GRIA4: variants seen among roughly 807,000 people sequenced by gnomAD.
GRIA4 encodes the protein glutamate ionotropic receptor AMPA type subunit 4, also known as glutamate receptor 4.
Under a neutral mutation model 104.0 loss-of-function variants are expected in GRIA4, and 34 were observed. The ratio of observed to expected loss-of-function variants is 0.33; its 90% CI spans 0.25 to 0.44. The LOEUF is 0.44. Among genes scored for constraint, GRIA4 ranks in the 20% least tolerant of loss-of-function variants. GRIA4 has a pLI of 1.00. For missense variants in GRIA4, 750 were observed against 1,096.5 expected (o/e 0.68, Z 4.46); for synonymous variants, 386 against 381.9 (o/e 1.01, Z -0.13).
intron 3 of GRIA4, among the ~76,000 whole-genome samples, chr11:105,643,346 A>G (rs1951426441): frequency 6.6e-6 from 1 of 152,226 alleles, no homozygotes; most frequent in Non-Finnish European, 1.5e-5. Flanking sequence ...CAAGAAAAGG[A>G]GAAGATCCTA....
chr11:105,644,862 A>G (rs1036891333), intron 3 of GRIA4, among the ~76,000 whole-genome samples: 4 of 152,172 alleles, frequency 2.6e-5, no homozygotes, highest in Admixed American at 2.6e-4. Flanking sequence ...AATCTTTAAT[A>G]TATGTGCTCC....
At chr11:105,879,453 C>A (rs1043391485) in intron 5 of GRIA4, among the ~76,000 whole-genome samples, 1 of 152,174 alleles carries the variant, frequency 6.6e-6, no homozygotes, top group Admixed American at 6.5e-5. Flanking sequence ...GGGATACGTA[C>A]ATGAACTGTC....
chr11:105,936,273 G>C (rs1200422243), intron 14 of GRIA4, among the ~76,000 whole-genome samples: 1 of 152,194 alleles, frequency 6.6e-6, no homozygotes, highest in Non-Finnish European at 1.5e-5. Flanking sequence ...TTAGTTTGTA[G>C]AAGCAAATTC....
At chr11:105,749,593 A>G (rs963647373) in intron 3 of GRIA4, among the ~76,000 whole-genome samples, 9 of 152,212 alleles carry the variant, frequency 5.9e-5, no homozygotes, top group African/African-American at 2.2e-4. Context: ...TTTGATTTGT[A>G]TGTGATATAG....
At position 105,644,477 on chromosome 11, in the gene GRIA4, G is replaced by A. The variant is rs574700161; in HGVS notation, c.247+32043G>A. Among the ~76,000 whole-genome samples the A allele has an allele frequency of 3.8e-4, 58 of 151,500 alleles. No individual in the cohort carries two copies. The East Asian group carries it at 4.5e-3, about 12-fold the overall frequency. On this transcript the variant is annotated intron_variant, in intron 3 of 16. Transcript: ENST00000282499. ...AAATTAGCCTGGTGTGGTGATAGGC[G>A]CCTGTAGTCCCAGCTATTCAGGTGG...
chr11:105,720,530 T>C (rs1937727199), intron 3 of GRIA4, among the ~76,000 whole-genome samples: 1 of 152,172 alleles, frequency 6.6e-6, no homozygotes, highest in Non-Finnish European at 1.5e-5. Context: ...ACAAAATATG[T>C]CCATAGCTAA....
At chr11:105,907,145 A>C (rs966296863) in intron 9 of GRIA4, among the ~76,000 whole-genome samples, 2 of 152,232 alleles carry the variant, frequency 1.3e-5, no homozygotes, top group Non-Finnish European at 2.9e-5. Flanking sequence ...TATTCATAGT[A>C]CTGAATCTTT....
intron 3 of GRIA4, among the ~76,000 whole-genome samples, chr11:105,678,167 A>G (rs1952600969): frequency 6.6e-6 from 1 of 152,066 alleles, no homozygotes; most frequent in African/African-American, 2.4e-5. Context: ...TATGTATTTC[A>G]TATCTGAGAG....
intron 3 of GRIA4, among the ~76,000 whole-genome samples, chr11:105,717,133 C>G (rs1954119304): frequency 6.6e-6 from 1 of 152,054 alleles, no homozygotes; most frequent in Non-Finnish European, 1.5e-5. Context: ...TTATCTTCAT[C>G]TCCATAGAAT....
intron 4 of GRIA4, among the ~76,000 whole-genome samples, chr11:105,777,975 C>T (rs1009403029): frequency 1.3e-5 from 2 of 152,238 alleles, no homozygotes; most frequent in South Asian, 4.1e-4. Context: ...CCTACTTCTT[C>T]ATTCTTCTAC....
chr11:105,967,703 C>CA (rs5794444), intron 14 of GRIA4, among the ~76,000 whole-genome samples: 79,626 of 145,940 alleles, frequency 0.55, 21,664 homozygotes, highest in South Asian at 0.6. Context: ...GTTTGTATAC[C>CA]AAAAAAAAAA....
At chr11:105,851,160 T>C (rs895532526) in intron 4 of GRIA4, among the ~76,000 whole-genome samples, 3 of 152,156 alleles carry the variant, frequency 2.0e-5, no homozygotes, top group African/African-American at 7.2e-5. Context: ...TACTATTACC[T>C]TTATTATTAT....
intron 3 of GRIA4, among the ~76,000 whole-genome samples, chr11:105,739,281 G>T (rs935493155): frequency 2.0e-5 from 3 of 152,128 alleles, no homozygotes; most frequent in African/African-American, 7.2e-5. Context: ...AAACAAGCCT[G>T]TATATTTTTA....
At chr11:105,733,640 T>C (rs545200997) in intron 3 of GRIA4, among the ~76,000 whole-genome samples, 1 of 152,068 alleles carries the variant, frequency 6.6e-6, no homozygotes, top group South Asian at 2.1e-4. Flanking sequence ...GTATTTTTAG[T>C]AGAGACGGGG....
chr11:105,946,804 G>T (rs944188948), intron 14 of GRIA4, among the ~76,000 whole-genome samples: 1 of 151,954 alleles, frequency 6.6e-6, no homozygotes, highest in Admixed American at 6.6e-5. Flanking sequence ...GGACACTTGG[G>T]ACTCAAGAAG....
intron 3 of GRIA4, among the ~76,000 whole-genome samples, chr11:105,616,117 T>C (rs1950593138): frequency 6.6e-6 from 1 of 151,676 alleles, no homozygotes; most frequent in African/African-American, 2.4e-5. Flanking sequence ...AATAATAGAA[T>C]TTTATAGACT....
chr11:105,916,085 G>A (rs1358499062), intron 10 of GRIA4, among the ~76,000 whole-genome samples: 1 of 152,104 alleles, frequency 6.6e-6, no homozygotes, highest in East Asian at 1.9e-4. Context: ...TTGGGAGGCT[G>A]AGGCAGGAGA....
chr11:105,690,117 A>C (rs1953032314), intron 3 of GRIA4, among the ~76,000 whole-genome samples: 1 of 151,782 alleles, frequency 6.6e-6, no homozygotes, highest in African/African-American at 2.4e-5. Flanking sequence ...TTTTTTCTTC[A>C]ACGTCATAGA....
rs1407350955 is a variant in GRIA4 at position 105,735,319 on chromosome 11, T to G, written c.248-17662T>G. 5.9e-5 allele frequency among the ~76,000 whole-genome samples: 9 copies of G among 152,238 alleles called. No homozygotes were observed. The South Asian group carries it at 1.4e-3, about 25-fold the overall frequency. On this transcript the variant is annotated intron_variant, in intron 3 of 16. Transcript: ENST00000282499. ...TAAGTGAACAAACAACTCGCTTGTCTTAATCAGCAAAAGAGAAAGGATAAT... is the reference window on the plus strand; with the variant it reads ...TAAGTGAACAAACAACTCGCTTGTCGTAATCAGCAAAAGAGAAAGGATAAT...
Sources: gnomAD v4.1 joint callset for allele counts (sites outside exome capture counted in the v4.1 genomes callset) on GRCh38, gnomAD v4.1.1 for gene constraint, MANE v1.5 for transcripts, NCBI Gene and HGNC (gene_info 2026-07-23, HGNC 2026-07-21) for gene names.